The following KANTR variants were observed in gnomAD, a reference collection of about 807,000 sequenced individuals.
KANTR encodes the protein KDM5C adjacent transcript.
chrX:53,138,807 A>G (rs905496160), intron 2 of KANTR, among the ~76,000 whole-genome samples: 1 of 111,490 alleles, frequency 9.0e-6, no homozygotes, highest in Non-Finnish European at 1.9e-5. Context: ...ATAAAAACCT[A>G]TTGTATAACA....
At chrX:53,144,287 C>A (rs782463703), downstream of KANTR, among the ~76,000 whole-genome samples, 8 of 111,004 alleles carry the variant, frequency 7.2e-5, no homozygotes, top group Non-Finnish European at 1.3e-4. Flanking sequence ...CCCAGCTACC[C>A]AGGAGGCTGA....
intron 2 of KANTR, among the ~76,000 whole-genome samples, chrX:53,138,225 C>T (rs1933451960): frequency 9.2e-6 from 1 of 108,531 alleles, no homozygotes; most frequent in African/African-American, 3.3e-5. Context: ...TGCGCCACGA[C>T]GCACAGCTAA....
chrX:53,108,429 T>G (rs961742224), intron 2 of KANTR, among the ~76,000 whole-genome samples: 26 of 110,752 alleles, frequency 2.3e-4, no homozygotes, highest in Admixed American at 2.0e-3. Context: ...CTCGAACTCC[T>G]GGCCTCAAGT....
At chrX:53,134,777 A>G (rs1933402322) in intron 2 of KANTR, among the ~76,000 whole-genome samples, 1 of 111,597 alleles carries the variant, frequency 9.0e-6, no homozygotes, top group Admixed American at 9.5e-5. Flanking sequence ...TAAAAAGGTA[A>G]GCATTTTACT....
intron 1 of KANTR, among the ~76,000 whole-genome samples, chrX:53,098,055 A>C (rs1311552536): frequency 2.8e-5 from 3 of 106,465 alleles, no homozygotes; most frequent in Non-Finnish European, 3.9e-5. Flanking sequence ...TGTCTCAAAA[A>C]AAAAAAAAAA....
At chrX:53,147,728 C>T (rs1302415388) in intron 3 of KANTR, among the ~76,000 whole-genome samples, 1 of 110,964 alleles carries the variant, frequency 9.0e-6, no homozygotes, top group Non-Finnish European at 1.9e-5. Context: ...TAAAGCACTC[C>T]TCAGCAAATG....
chrX:53,138,760 T>A (rs1044104478), intron 2 of KANTR, among the ~76,000 whole-genome samples: 1 of 108,050 alleles, frequency 9.3e-6, no homozygotes, highest in African/African-American at 3.4e-5. Flanking sequence ...AACAGACAAG[T>A]AGACCAATAC....
At chrX:53,128,291 G>A (rs966293230), downstream of KANTR, among the ~76,000 whole-genome samples, 5 of 111,548 alleles carry the variant, frequency 4.5e-5, no homozygotes, top group East Asian at 1.1e-3. Context: ...AGAGATGAAC[G>A]AGGTGTGTTC....
downstream of KANTR, chrX:53,143,064 A>G: frequency 8.3e-7 from 1 of 1,203,657 alleles, no homozygotes; most frequent in Non-Finnish European, 1.1e-6. Context: ...TGTCCACGTC[A>G]CACTTCATGA....
intron 2 of KANTR, among the ~76,000 whole-genome samples, chrX:53,140,500 CAAAA>C (rs782805364): frequency 2.1e-4 from 9 of 42,478 alleles, no homozygotes; most frequent in African/African-American, 5.9e-4. Flanking sequence ...GACTCTGTCT[CAAAA>C]AAAAAAAAAA....
intron 2 of KANTR, among the ~76,000 whole-genome samples, chrX:53,133,320 T>C (rs1933382230): frequency 9.4e-6 from 1 of 106,509 alleles, no homozygotes; most frequent in African/African-American, 3.4e-5. Flanking sequence ...TGAACCGAGA[T>C]TGTACCGCTG....
At chrX:53,117,886 C>T (rs782064815) in intron 2 of KANTR, among the ~76,000 whole-genome samples, 5 of 111,031 alleles carry the variant, frequency 4.5e-5, no homozygotes, top group Non-Finnish European at 7.5e-5. Flanking sequence ...TCCCAAAGTG[C>T]TGGGATTACA....
exon 3 of KANTR, chrX:53,124,611 T>C (rs1239975852): frequency 6.9e-6 from 2 of 291,951 alleles, no homozygotes; most frequent in East Asian, 4.8e-5. Context: ...AGTTTAGATA[T>C]GTAGTATTTT....
intron 2 of KANTR, among the ~76,000 whole-genome samples, chrX:53,119,231 G>GTTATTTT (rs1325370096): frequency 9.2e-6 from 1 of 109,160 alleles, no homozygotes; most frequent in Non-Finnish European, 1.9e-5. Context: ...CTGGCTAATT[G>GTTATTTT]TTATTTTTTA....
At chrX:53,110,099 A>G (rs1933011246) in intron 2 of KANTR, among the ~76,000 whole-genome samples, 1 of 111,658 alleles carries the variant, frequency 9.0e-6, no homozygotes, top group African/African-American at 3.3e-5. Flanking sequence ...TTTTCTATAT[A>G]TAAGATTGTG....
chrX:53,111,667 C>A (rs1265472384), intron 2 of KANTR, among the ~76,000 whole-genome samples: 2 of 111,631 alleles, frequency 1.8e-5, no homozygotes, highest in African/African-American at 6.5e-5. Context: ...GAAAAACTCT[C>A]TTTAGCACAG....
At chrX:53,125,554 ATTC>A (rs1377549752) in exon 3 of KANTR, 2 of 108,786 alleles carry the variant, frequency 1.8e-5, no homozygotes, top group Non-Finnish European at 3.8e-5. Context: ...ATTTTTTTCT[ATTC>A]TTTCTGTGGT....
chrX:53,142,316 G>GTTTT (rs34127394), exon 3 of KANTR: 16 of 95,181 alleles, frequency 1.7e-4, no homozygotes, highest in Non-Finnish European at 2.8e-4. Context: ...TTCTGTGTAT[G>GTTTT]TTTTTTTTTT....
At chrX:53,109,445 CT>C (rs1556813362) in intron 2 of KANTR, among the ~76,000 whole-genome samples, 14 of 110,920 alleles carry the variant, frequency 1.3e-4, no homozygotes, top group Non-Finnish European at 7.6e-5. Context: ...CCACCACACC[CT>C]GCTAATTTTG....
Sources: gnomAD v4.1 joint callset for allele counts (sites outside exome capture counted in the v4.1 genomes callset) on GRCh38, gnomAD v4.1.1 for gene constraint, MANE v1.5 for transcripts, NCBI Gene and HGNC (gene_info 2026-07-23, HGNC 2026-07-21) for gene names.